Variants in TGIF2 observed in about 807,000 individuals in gnomAD.
The protein encoded by TGIF2 is homeobox protein TGIF2.
A neutral mutation model predicts 15.1 loss-of-function variants in TGIF2; 5 were observed. The ratio of observed to expected loss-of-function variants is 0.33; its 90% confidence interval spans 0.17 to 0.70. TGIF2 has a LOEUF of 0.70. TGIF2 is among the 30% of genes least tolerant of loss of function. TGIF2 has a pLI of 0.67. For synonymous variants in TGIF2, 131 were observed against 128.9 expected (o/e 1.02, Z -0.11); for missense variants, 264 against 302.5 (o/e 0.87, Z 0.94).
intron 2 of TGIF2, among the ~76,000 whole-genome samples, chr20:36,580,915 G>A (rs910798528): frequency 4.0e-5 from 6 of 150,654 alleles, no homozygotes; most frequent in African/African-American, 9.8e-5. Context: ...ACCTGAGGTC[G>A]GGAGTTCAAG....
At chr20:36,586,927 C>G (rs1310716441) in intron 2 of TGIF2, among the ~76,000 whole-genome samples, 3 of 152,174 alleles carry the variant, frequency 2.0e-5, no homozygotes, top group Non-Finnish European at 4.4e-5. Flanking sequence ...CCTCCCACCC[C>G]CATTTGCCAC....
intron 1 of TGIF2, 132 bp from the exon 2 acceptor site, chr20:36,578,609 C>A: frequency 9.8e-7 from 1 of 1,019,124 alleles, no homozygotes; most frequent in Non-Finnish European, 1.4e-6. Context: ...GTCTGTGTTA[C>A]GGCCTGAGAT....
At chr20:36,574,554 C>T (rs1186045339) in intron 1 of TGIF2, 2 of 152,210 alleles carry the variant, frequency 1.3e-5, no homozygotes, top group Non-Finnish European at 2.9e-5. Context: ...CTCCGCCGTC[C>T]CCGCGCCCCG....
Position 36,580,813 on chromosome 20 carries a change from C to CA in TGIF2, c.192+1873dup, listed in dbSNP as rs71184101. Among the ~76,000 whole-genome samples, 299 of 45,920 alleles carry CA rather than the reference C, an allele frequency of 6.5e-3. 8 individuals carry two copies. The highest frequency in any genetic ancestry group is 7.1e-3 in the Non-Finnish European group (189 of 26,492). The allele number at this position is 45,920 out of a possible 152,430, so 30.1% of individuals were successfully genotyped here. ...TGGGCGAAGGAGTGAGACATTGTCT[C>CA]AAAAAAAAAAAAAAAAAAAAAAAAA... On this transcript the variant is annotated intron_variant, in intron 2 of 2. Coordinates refer to ENST00000373872, the MANE Select transcript of TGIF2 (RefSeq NM_021809.7).
At position 36,574,494 on chromosome 20, in the gene TGIF2, C is replaced by T. The variant is rs548394558; in HGVS notation, c.-35+749C>T. ...GCCCAGCCCCCTCCCCTCCCTTCCC[C>T]TCCCCTCCCCCTCCGGGCCCAGTTC... On this transcript the variant is annotated intron_variant, in intron 1 of 2. Transcript: ENST00000373872. 8.1e-4 allele frequency: 123 copies of T among 151,780 alleles called. 2 individuals carry two copies. Among genetic ancestry groups the T allele is most frequent in the African/African-American group, 2.8e-3 (114 of 41,446 alleles). 9.4% of individuals were successfully genotyped at this position (151,780 alleles called of 1,614,324 possible).
chr20:36,577,518 G>GT (rs2038456452), intron 1 of TGIF2, among the ~76,000 whole-genome samples: 1 of 139,906 alleles, frequency 7.1e-6, no homozygotes, highest in African/African-American at 2.7e-5. Flanking sequence ...GCCTTTGTTT[G>GT]TTTTTGTTTT....
rs1338532895 is a variant in TGIF2, at chr20:36,591,288, G to C, written c.571G>C (p.Asp191His). 1 of 1,614,214 alleles carries C rather than the reference G, an allele frequency of 6.2e-7. No homozygotes were observed. The highest frequency in any genetic ancestry group is 1.1e-5 in the South Asian group (1 of 91,092). The change falls in exon 3 of 3, where the codon GAC (aspartate) becomes CAC (histidine). Residue 191 changes from aspartate (D) to histidine (H), a missense_variant. Coordinates refer to ENST00000373872, the MANE Select transcript of TGIF2 (RefSeq NM_021809.7). This position sits in a 1 kb window ranked among gnomAD's most constrained non-coding sequence, Gnocchi z 5.3. ...GCCACCACCCACACCCCCAGAGCAG[G>C]ACAAAGAGGACTTCAGCAGCTTCCA... ...NTPPPTPPEQDKEDFSSFQLL... is the reference protein window; with the variant it reads ...NTPPPTPPEQHKEDFSSFQLL...
chr20:36,581,487 A>G (rs2038545043), intron 2 of TGIF2, among the ~76,000 whole-genome samples: 1 of 152,130 alleles, frequency 6.6e-6, no homozygotes, highest in East Asian at 1.9e-4. Flanking sequence ...ACTGATCTAC[A>G]GCCTAGGTTT....
intron 2 of TGIF2, among the ~76,000 whole-genome samples, chr20:36,587,738 T>C (rs1312887970): frequency 6.6e-6 from 1 of 152,084 alleles, no homozygotes; most frequent in Non-Finnish European, 1.5e-5. Context: ...TGTGATAGGC[T>C]GAGATTGAAT....
chr20:36,589,553 C>T (rs60983149), intron 2 of TGIF2, among the ~76,000 whole-genome samples: 3,806 of 152,086 alleles, frequency 0.025, 158 homozygotes, highest in African/African-American at 0.086. Flanking sequence ...CCACCACACC[C>T]GGCTAATTTT....
intron 2 of TGIF2, among the ~76,000 whole-genome samples, chr20:36,586,331 A>G (rs1236224661): frequency 6.6e-6 from 1 of 152,170 alleles, no homozygotes; most frequent in Non-Finnish European, 1.5e-5. Flanking sequence ...GTCTGAAAAC[A>G]CATTGCCAAC....
In TGIF2 at chr20:36,591,285, C is replaced by G; in HGVS notation, c.568C>G (p.Gln190Glu). 3 of 1,614,216 alleles carry G rather than the reference C, an allele frequency of 1.9e-6. No individual in the cohort carries two copies. Among genetic ancestry groups the G allele is most frequent in the South Asian group, 1.1e-5 (1 of 91,088 alleles). The change falls in exon 3 of 3, where the codon CAG becomes GAG. Residue 190 changes from glutamine to glutamate, a missense_variant. By Grantham distance (29) the Gln-to-Glu change is conservative (BLOSUM62 2). Transcript: ENST00000373872. The surrounding 1 kb of genome is among the most constrained non-coding windows in gnomAD (Gnocchi z 5.3). Reference protein sequence around the residue: ...FNTPPPTPPEQDKEDFSSFQL... With the variant: ...FNTPPPTPPEEDKEDFSSFQL... ...CACGCCACCACCCACACCCCCAGAG[C>G]AGGACAAAGAGGACTTCAGCAGCTT... is the stretch of plus-strand genomic sequence containing the variant.
intron 2 of TGIF2, among the ~76,000 whole-genome samples, chr20:36,583,211 C>A (rs976790537): frequency 6.6e-6 from 1 of 151,274 alleles, no homozygotes; most frequent in Admixed American, 6.6e-5. Flanking sequence ...ACCAGGAGGA[C>A]GAGACTGCAG....
At chr20:36,575,240 T>C (rs2038402786) in intron 1 of TGIF2, among the ~76,000 whole-genome samples, 2 of 151,994 alleles carry the variant, frequency 1.3e-5, no homozygotes, top group African/African-American at 4.8e-5. Context: ...CTAGCGCTGT[T>C]GGTTAATTGC....
intron 1 of TGIF2, among the ~76,000 whole-genome samples, chr20:36,576,710 T>C (rs916509711): frequency 2.6e-5 from 4 of 152,112 alleles, no homozygotes; most frequent in African/African-American, 9.7e-5. Context: ...AGGACTTTTT[T>C]GCGGGGGGAT....
At chr20:36,583,298 A>C (rs1406781586) in intron 2 of TGIF2, among the ~76,000 whole-genome samples, 1 of 150,864 alleles carries the variant, frequency 6.6e-6, no homozygotes, top group Non-Finnish European at 1.5e-5. Flanking sequence ...AACAAACAAA[A>C]AAAACCTTCA....
Position 36,576,100 on chromosome 20 carries a change from AAAAAG to A in TGIF2, c.-35+2359_-35+2363del, listed in dbSNP as rs200251673. 5.9e-3 allele frequency among the ~76,000 whole-genome samples: 902 copies of A among 151,958 alleles called. 10 individuals are homozygous for A. The highest frequency in any genetic ancestry group is 0.021 in the African/African-American group (870 of 41,422). On this transcript the variant is annotated intron_variant, in intron 1 of 2. Transcript: ENST00000373872. ...GAGCGAGACTCCATCTCAAAAAAAA[AAAAAG>A]AAAGAAAGAAAGAAAGAAAATCTTT...
rs1394290760 is a variant in TGIF2, at chr20:36,592,617, G to GT, written c.*1187dup. ...GGAAACTTTGGGGAAAGCAGGAATG[G>GT]TGTCCACTGCTGCGGAGGAACTGCC... On this transcript the variant is annotated 3_prime_UTR_variant, in exon 3 of 3. Coordinates refer to ENST00000373872, the MANE Select transcript of TGIF2 (RefSeq NM_021809.7). The GT allele has an allele frequency of 6.6e-6, 1 of 152,546 alleles. No homozygotes were observed. Among genetic ancestry groups the GT allele is most frequent in the African/African-American group, 2.4e-5 (1 of 41,442 alleles). The allele number at this position is 152,546 out of a possible 1,614,324, so 9.4% of individuals were successfully genotyped here.
rs2038701897 is a variant in TGIF2 at position 36,588,352 on chromosome 20, CTTCT to C, written c.193-2555_193-2552del. Among the ~76,000 whole-genome samples the C allele has an allele frequency of 2.9e-5, 4 of 138,068 alleles. No individual in the cohort carries two copies. The South Asian group carries it at 6.8e-4, about 24-fold the overall frequency. 90.6% of individuals were successfully genotyped at this position (138,068 alleles called of 152,430 possible). A position where few individuals can be genotyped will look rare whatever the true frequency, so the allele number is the denominator to read the frequency against. On this transcript the variant is annotated intron_variant, in intron 2 of 2. Transcript: ENST00000373872. The stretch of plus-strand genomic sequence containing the variant: ...ATCCCACCTAGCTGTTGAGCCCTTC[CTTCT>C]TTTTTTTTTTTTTTTTTTTTTTTTT...
Sources: gnomAD v4.1 joint callset for allele counts (sites outside exome capture counted in the v4.1 genomes callset) on GRCh38, gnomAD v4.1.1 for gene constraint, Gnocchi (gnomAD v3.1) non-coding constraint, MANE v1.5 for transcripts, NCBI Gene and HGNC (gene_info 2026-07-23, HGNC 2026-07-21) for gene names.